The following NOL4L variants were observed in gnomAD, a reference collection of about 807,000 sequenced individuals.
NOL4L encodes the protein nucleolar protein 4-like.
In NOL4L, 7 loss-of-function variants were observed where a neutral mutation model predicts 64.5. The ratio of observed to expected loss-of-function variants is 0.11; its 90% CI spans 0.06 to 0.20. The LOEUF (loss-of-function observed/expected upper bound fraction) is 0.20. NOL4L is among the 10% of genes least tolerant of loss of function. NOL4L has a pLI of 1.00. For missense variants in NOL4L, 680 were observed against 967.1 expected (o/e 0.70, Z 3.94); for synonymous variants, 413 against 401.0 (o/e 1.03, Z -0.36).
chr20:32,520,944 C>T (rs1205720375), intron 2 of NOL4L, 22 bp from the exon 3 acceptor site: 2 of 1,509,734 alleles, frequency 1.3e-6, no homozygotes, highest in Non-Finnish European at 1.8e-6. Flanking sequence ...AAGAGCTTCG[C>T]TTGTTATATG....
At chr20:32,479,866 G>A (rs949033929) in intron 4 of NOL4L, among the ~76,000 whole-genome samples, 2 of 152,218 alleles carry the variant, frequency 1.3e-5, no homozygotes, top group Non-Finnish European at 2.9e-5. Context: ...CCCTGCCTCT[G>A]GGGCAGAGGG....
At chr20:32,471,922 T>G (rs1331911037) in intron 5 of NOL4L, among the ~76,000 whole-genome samples, 1 of 152,202 alleles carries the variant, frequency 6.6e-6, no homozygotes, top group South Asian at 2.1e-4. Context: ...CAGATGCTAG[T>G]GCCATGCCTG....
rs962269831 is a variant in NOL4L at position 32,453,103 on chromosome 20, T to C, written c.1498-97A>G. 5.2e-6 allele frequency: 8 copies of C among 1,547,808 alleles called. No individual in the cohort carries two copies. The highest frequency in any genetic ancestry group is 1.8e-5 in the Admixed American group (1 of 56,692). On this transcript the variant is annotated intron_variant, in intron 8 of 10. Transcript: ENST00000621426. The surrounding 1 kb of genome is among the most constrained non-coding windows in gnomAD (Gnocchi z 5.6). ...CAGGGGTGGGTGGCACAGGGTGGGG[T>C]TTGGGCTCCAGCGCCTCAGTCTATG...
chr20:32,451,006 C>T lies in NOL4L; in HGVS notation c.1822+1230G>A, dbSNP rs564992639. Among the ~76,000 whole-genome samples, 9 of 152,210 alleles carry T rather than the reference C, an allele frequency of 5.9e-5. No individual in the cohort carries two copies. The South Asian group carries it at 8.3e-4, about 14-fold the overall frequency. On this transcript the variant is annotated intron_variant, in intron 10 of 10. Transcript: ENST00000621426. ...TTCTGGGGGGTGGCGGGGGTCAAGG[C>T]GAGTGGAGGCAGCCTGGGCTTCCTG...
Position 32,453,737 on chromosome 20 carries a change from A to T in NOL4L, c.1144T>A (p.Tyr382Asn). The T allele has an allele frequency of 6.4e-7, 1 of 1,554,092 alleles. No individual in the cohort carries two copies. The highest frequency in any genetic ancestry group is 8.7e-7 in the Non-Finnish European group (1 of 1,148,238). Residue 382 changes from tyrosine (Y) to asparagine (N), a missense_variant, in exon 7 of 11, where the codon TAC becomes AAC. This residue lies in a region of NOL4L where 254 missense variants were observed against 238.7 expected (regional missense o/e 1.06). Coordinates refer to ENST00000621426, the MANE Select transcript of NOL4L (RefSeq NM_001256798.2). This position sits in a 1 kb window ranked among gnomAD's most constrained non-coding sequence, Gnocchi z 5.6. ...CTGACCTCGGTCTTGATGGAATCGT[A>T]GCTCCCAGAGCTGTAGGGGGGGGAC... ...PESPPYSSGS[Y>N]DSIKTEVSGC...
intron 10 of NOL4L, among the ~76,000 whole-genome samples, chr20:32,451,205 C>G (rs548668875): frequency 6.6e-6 from 1 of 152,342 alleles, no homozygotes; most frequent in East Asian, 1.9e-4. Context: ...CTCAATTCTT[C>G]CCTTCATTCC....
chr20:32,516,395 G>A (rs1318537729), intron 3 of NOL4L, among the ~76,000 whole-genome samples: 1 of 152,194 alleles, frequency 6.6e-6, no homozygotes, highest in Non-Finnish European at 1.5e-5. Context: ...ACTGTGTGCG[G>A]TGCAGTCCCC....
chr20:32,474,530 C>G, intron 5 of NOL4L, 71 bp downstream of exon 5: 2 of 1,536,526 alleles, frequency 1.3e-6, no homozygotes, highest in Non-Finnish European at 1.8e-6. Context: ...GTCCACACCT[C>G]TCACCTGAGG....
intron 4 of NOL4L, among the ~76,000 whole-genome samples, chr20:32,508,408 A>C (rs1272786088): frequency 1.3e-5 from 2 of 152,194 alleles, no homozygotes; most frequent in Non-Finnish European, 2.9e-5. Flanking sequence ...ATGTGATTTC[A>C]TCTTGCGCCA....
chr20:32,479,958 T>G (rs1343400422), intron 4 of NOL4L, among the ~76,000 whole-genome samples: 2 of 152,208 alleles, frequency 1.3e-5, no homozygotes, highest in African/African-American at 4.8e-5. Context: ...ACCCAGCTTC[T>G]GAGGCCCTTC....
intron 1 of NOL4L, among the ~76,000 whole-genome samples, chr20:32,566,629 G>C (rs1358843581): frequency 6.6e-6 from 1 of 152,134 alleles, no homozygotes; most frequent in Non-Finnish European, 1.5e-5. Flanking sequence ...CCTCTACTTG[G>C]AATGTTTTTC....
At chr20:32,517,595 C>T (rs1337605961) in intron 3 of NOL4L, among the ~76,000 whole-genome samples, 1 of 152,242 alleles carries the variant, frequency 6.6e-6, no homozygotes, top group Non-Finnish European at 1.5e-5. Flanking sequence ...CCAGGCCTTT[C>T]CCTTCTAACC....
At chr20:32,451,193 T>C (rs986429141) in intron 10 of NOL4L, among the ~76,000 whole-genome samples, 4 of 152,052 alleles carry the variant, frequency 2.6e-5, no homozygotes, top group Non-Finnish European at 4.4e-5. Flanking sequence ...CTACTCAGGT[T>C]CCTCAATTCT....
intron 1 of NOL4L, chr20:32,536,076 T>C (rs2018512066): frequency 1.1e-5 from 11 of 985,432 alleles, no homozygotes; most frequent in African/African-American, 1.7e-5. Context: ...GCAGACACCA[T>C]AGGCATAATG....
In NOL4L at chr20:32,464,763, TAAAG is replaced by T. The variant is rs776220072; in HGVS notation, c.842-8372_842-8369del. ...CTAGTACCCACATTTTAAAAAGTAA[TAAAG>T]AAACAGGTGAAATCAATTTTAATAA... On this transcript the variant is annotated intron_variant, in intron 5 of 10. Coordinates refer to ENST00000621426, the MANE Select transcript of NOL4L (RefSeq NM_001256798.2). The surrounding 1 kb of genome is among the most constrained non-coding windows in gnomAD (Gnocchi z 5.6). The T allele has an allele frequency of 1.5e-4, 57 of 371,744 alleles. No individual in the cohort carries two copies. The highest frequency in any genetic ancestry group is 2.3e-4 in the Non-Finnish European group (49 of 209,874). The allele number at this position is 371,744 out of a possible 1,614,324, so 23.0% of individuals were successfully genotyped here.
In NOL4L at chr20:32,469,362, TTTTTTTTTC is replaced by T. The variant is rs557530855; in HGVS notation, c.841+5230_841+5238del. Among the ~76,000 whole-genome samples, 56 of 36,880 alleles carry T rather than the reference TTTTTTTTTC, an allele frequency of 1.5e-3. No homozygotes were observed. In the South Asian group the frequency reaches 0.028, roughly 18 times the overall value. 24.2% of individuals were successfully genotyped at this position (36,880 alleles called of 152,430 possible). A position where few individuals can be genotyped will look rare whatever the true frequency, so the allele number is the denominator to read the frequency against. ...TCTTTTTTCCTCCTTTATTTTTCTA[TTTTTTTTTC>T]TTTTTTTTCTTTTTTTTAGATGGAG... On this transcript the variant is annotated intron_variant, in intron 5 of 10. Coordinates refer to ENST00000621426, the MANE Select transcript of NOL4L (RefSeq NM_001256798.2).
intron 6 of NOL4L, among the ~76,000 whole-genome samples, chr20:32,455,722 A>T (rs2013433141): frequency 6.6e-6 from 1 of 152,212 alleles, no homozygotes; most frequent in Non-Finnish European, 1.5e-5. Flanking sequence ...GACCTATAAA[A>T]TGGGGACAGG....
chr20:32,481,933 C>G (rs992068375), intron 4 of NOL4L, among the ~76,000 whole-genome samples: 6 of 108,164 alleles, frequency 5.5e-5, no homozygotes, highest in African/African-American at 7.0e-5. Context: ...CCCCACACCC[C>G]CTTTGGTGTG....
Position 32,584,886 on chromosome 20 carries a change from G to C in NOL4L, c.5C>G (p.Pro2Arg). 7.8e-7 allele frequency: 1 copy of C among 1,277,078 alleles called. No homozygotes were observed. Among genetic ancestry groups the C allele is most frequent in the Non-Finnish European group, 9.9e-7 (1 of 1,010,956 alleles). 79.1% of individuals were successfully genotyped at this position (1,277,078 alleles called of 1,614,324 possible). Reference sequence around the variant, plus strand: ...CCCGCGCAGCAGCAGCGTCGGCTTCGGCATCCTCCCGCCGCGCCCGGCGCC... The same window carrying C: ...CCCGCGCAGCAGCAGCGTCGGCTTCCGCATCCTCCCGCCGCGCCCGGCGCC... MPKPTLLLRGGW... is the reference protein window; with the variant it reads MRKPTLLLRGGW... The change falls in exon 1 of 11, where the codon CCG becomes CGG. Residue 2 changes from proline to arginine, a missense_variant. By Grantham distance (103) the Pro-to-Arg change is moderately radical. Coordinates refer to ENST00000621426, the MANE Select transcript of NOL4L (RefSeq NM_001256798.2).
Sources: allele counts gnomAD v4.1 joint callset (sites outside exome capture counted in the v4.1 genomes callset), GRCh38; gene constraint gnomAD v4.1.1; regional missense constraint gnomAD v4.1.1; non-coding constraint Gnocchi (gnomAD v3.1); transcripts MANE v1.5; gene names NCBI Gene and HGNC (gene_info 2026-07-23, HGNC 2026-07-21).